Variants in GPT2 observed in about 807,000 individuals in gnomAD.
The protein encoded by GPT2 is alanine aminotransferase 2.
A neutral mutation model predicts 56.9 loss-of-function variants in GPT2; 30 were observed. That is an observed-to-expected ratio of 0.53 (90% CI 0.39 to 0.72). The LOEUF (loss-of-function observed/expected upper bound fraction) is 0.72, where lower values mean the gene tolerates loss of function less well. Among genes scored for constraint, GPT2 ranks in the 30% least tolerant of loss-of-function variants. The probability of loss-of-function intolerance (pLI) is 0.00; values close to 1 mark genes in which losing one functional copy is unlikely to be tolerated. For missense variants in GPT2, 542 were observed against 703.4 expected (o/e 0.77, Z 2.60); for synonymous variants, 271 against 283.1 (o/e 0.96, Z 0.43).
chr16:46,917,463 G>A (rs1961190853), intron 7 of GPT2, among the ~76,000 whole-genome samples: 2 of 152,244 alleles, frequency 1.3e-5, no homozygotes, highest in African/African-American at 2.4e-5. Context: ...TCTCAGGAAG[G>A]GATCTTAACC....
chr16:46,929,155 G>C lies in GPT2; in HGVS notation c.*158G>C. On this transcript the variant is annotated 3_prime_UTR_variant, in exon 12 of 12. Coordinates refer to ENST00000340124, the MANE Select transcript of GPT2 (RefSeq NM_133443.4). ...CTGGAGACGTCTTTCTTTGTGCCTT[G>C]ATGTTGAGAGCGCCTCTCTTTTGAG... 1.6e-6 allele frequency: 1 copy of C among 625,584 alleles called. No individual in the cohort carries two copies. Among genetic ancestry groups the C allele is most frequent in the South Asian group, 1.9e-5 (1 of 53,952 alleles). 38.8% of individuals were successfully genotyped at this position (625,584 alleles called of 1,614,324 possible).
chr16:46,896,313 C>G (rs1444980180), intron 2 of GPT2, among the ~76,000 whole-genome samples: 1 of 152,204 alleles, frequency 6.6e-6, no homozygotes, highest in Non-Finnish European at 1.5e-5. Flanking sequence ...TTTGCAGCAG[C>G]CATGGTGTCC....
At chr16:46,928,812 T>G in intron 11 of GPT2, 95 bp from the exon 12 acceptor site, 2 of 899,122 alleles carry the variant, frequency 2.2e-6, no homozygotes, top group South Asian at 2.7e-5. Context: ...CAGGCAGACC[T>G]CCCTCTTCCA....
At chr16:46,897,210 A>G (rs1017949391) in intron 2 of GPT2, among the ~76,000 whole-genome samples, 1 of 152,206 alleles carries the variant, frequency 6.6e-6, no homozygotes, top group Non-Finnish European at 1.5e-5. Context: ...TCCTGTCTCT[A>G]CTAAATACAA....
intron 4 of GPT2, among the ~76,000 whole-genome samples, chr16:46,901,306 G>C (rs1257735362): frequency 1.3e-5 from 2 of 152,108 alleles, no homozygotes; most frequent in African/African-American, 4.8e-5. Flanking sequence ...GTACTTCATG[G>C]TGTTCCCCTC....
At chr16:46,910,181 G>T (rs1961018832) in intron 6 of GPT2, among the ~76,000 whole-genome samples, 2 of 152,078 alleles carry the variant, frequency 1.3e-5, no homozygotes. Flanking sequence ...AGAAATTGGA[G>T]ACCAGCCTGG....
At chr16:46,891,710 A>G (rs553622947) in intron 2 of GPT2, among the ~76,000 whole-genome samples, 1 of 152,164 alleles carries the variant, frequency 6.6e-6, no homozygotes, top group South Asian at 2.1e-4. Context: ...GTGTGTAATA[A>G]TCACATCAGG....
chr16:46,927,621 A>G (rs1961444594), intron 11 of GPT2, among the ~76,000 whole-genome samples: 1 of 152,154 alleles, frequency 6.6e-6, no homozygotes, highest in Non-Finnish European at 1.5e-5. Context: ...TCTTCCCCAT[A>G]CATGTTGCTC....
intron 3 of GPT2, among the ~76,000 whole-genome samples, chr16:46,899,781 A>C (rs1265683579): frequency 6.6e-6 from 1 of 152,154 alleles, no homozygotes; most frequent in Non-Finnish European, 1.5e-5. Context: ...GCCTGGGTTT[A>C]AGTTGTGGCA....
In GPT2 at chr16:46,927,857, G is replaced by T. The variant is rs183385420; in HGVS notation, c.1481+820G>T. On this transcript the variant is annotated intron_variant, in intron 11 of 11. Coordinates refer to ENST00000340124, the MANE Select transcript of GPT2 (RefSeq NM_133443.4). ...CAGGAAGGCCAGGGAGCATTTTGGT[G>T]CACCAGAGGGAGGTGTTAGTTACTG... Among the ~76,000 whole-genome samples the T allele has an allele frequency of 9.1e-4, 139 of 152,194 alleles. 1 individual carries two copies. The highest frequency in any genetic ancestry group is 3.2e-3 in the African/African-American group (134 of 41,516).
chr16:46,913,140 T>G (rs150306225), intron 6 of GPT2, among the ~76,000 whole-genome samples: 1,806 of 152,352 alleles, frequency 0.012, 27 homozygotes, highest in African/African-American at 0.041. Flanking sequence ...GCGGGCATGC[T>G]CTGAGGCGCT....
At position 46,929,230 on chromosome 16, in the gene GPT2, G is replaced by A; in HGVS notation, c.*233G>A. On this transcript the variant is annotated 3_prime_UTR_variant, in exon 12 of 12. Transcript: ENST00000340124. ...AGAGTAGAGGGGACCTGCTCAGCAGGTGTGACCAGGGTTCTCTGAATCTGT... is the reference window on the plus strand; with the variant it reads ...AGAGTAGAGGGGACCTGCTCAGCAGATGTGACCAGGGTTCTCTGAATCTGT... The A allele has an allele frequency of 1.9e-6, 1 of 526,442 alleles. No homozygotes were observed. The highest frequency in any genetic ancestry group is 2.4e-5 in the South Asian group (1 of 41,114). The allele number at this position is 526,442 out of a possible 1,614,324, so 32.6% of individuals were successfully genotyped here.
intron 2 of GPT2, among the ~76,000 whole-genome samples, chr16:46,891,205 T>C (rs1311064052): frequency 1.3e-5 from 2 of 152,064 alleles, no homozygotes; most frequent in Non-Finnish European, 2.9e-5. Context: ...ATAGTCACCA[T>C]GCTGTACATT....
At chr16:46,928,089 G>A (rs748301727) in intron 11 of GPT2, among the ~76,000 whole-genome samples, 1 of 152,078 alleles carries the variant, frequency 6.6e-6, no homozygotes, top group Non-Finnish European at 1.5e-5. Flanking sequence ...CGCTTTGGGA[G>A]GCCAAATTCA....
chr16:46,929,201 A>G lies in GPT2; in HGVS notation c.*204A>G, dbSNP rs1270844320. On this transcript the variant is annotated 3_prime_UTR_variant, in exon 12 of 12. Coordinates refer to ENST00000340124, the MANE Select transcript of GPT2 (RefSeq NM_133443.4). ...TTGAGCAAACAAGCATTCTATATGCAACCAGAGTAGAGGGGACCTGCTCAG... is the reference window on the plus strand; with the variant it reads ...TTGAGCAAACAAGCATTCTATATGCGACCAGAGTAGAGGGGACCTGCTCAG... 1.7e-6 allele frequency: 1 copy of G among 581,444 alleles called. No homozygotes were observed. The highest frequency in any genetic ancestry group is 3.1e-6 in the Non-Finnish European group (1 of 324,114). The allele number at this position is 581,444 out of a possible 1,614,324, so 36.0% of individuals were successfully genotyped here.
At chr16:46,894,233 T>A (rs1157696088) in intron 2 of GPT2, among the ~76,000 whole-genome samples, 1 of 152,168 alleles carries the variant, frequency 6.6e-6, no homozygotes, top group Admixed American at 6.5e-5. Context: ...AAAGGAACAT[T>A]CAGGGCTCTG....
At chr16:46,896,994 C>T (rs1253614852) in intron 2 of GPT2, among the ~76,000 whole-genome samples, 2 of 152,162 alleles carry the variant, frequency 1.3e-5, no homozygotes, top group African/African-American at 2.4e-5. Context: ...CCCAGAAGGT[C>T]GGGGATGCAG....
intron 2 of GPT2, among the ~76,000 whole-genome samples, chr16:46,895,447 C>T (rs1308605478): frequency 6.6e-6 from 1 of 151,988 alleles, no homozygotes; most frequent in Non-Finnish European, 1.5e-5. Flanking sequence ...AATGCTTGAA[C>T]CCGGGAGGTG....
At chr16:46,901,743 C>T (rs1256464131) in intron 4 of GPT2, among the ~76,000 whole-genome samples, 4 of 152,164 alleles carry the variant, frequency 2.6e-5, no homozygotes, top group East Asian at 3.9e-4. Context: ...CCCTTATTGA[C>T]GGCCCTGTGC....
Sources: allele counts gnomAD v4.1 joint callset (sites outside exome capture counted in the v4.1 genomes callset), GRCh38; gene constraint gnomAD v4.1.1; transcripts MANE v1.5; gene names NCBI Gene and HGNC (gene_info 2026-07-23, HGNC 2026-07-21).